DIP2C: variants seen among roughly 807,000 people sequenced by gnomAD.
The protein encoded by DIP2C is DIP2 acetate--CoA ligase C (putative), also known as disco-interacting protein 2 homolog C.
Under a neutral mutation model 192.4 loss-of-function variants are expected in DIP2C, and 33 were observed. The ratio of observed to expected loss-of-function variants is 0.17; its 90% CI spans 0.13 to 0.23. The LOEUF is 0.23. Ranked by LOEUF, DIP2C falls within the 10% of genes least tolerant of loss-of-function variation. The pLI is 1.00. For missense variants in DIP2C, 1,537 were observed against 2,110.1 expected (o/e 0.73, Z 5.32); for synonymous variants, 979 against 864.1 (o/e 1.13, Z -2.33).
intron 2 of DIP2C, among the ~76,000 whole-genome samples, chr10:485,441 C>G (rs1843944936): frequency 6.6e-6 from 1 of 152,238 alleles, no homozygotes; most frequent in South Asian, 2.1e-4. Flanking sequence ...GCGTCTATCC[C>G]TGACTTAAGC....
chr10:441,629 T>C (rs1967742559), intron 3 of DIP2C, among the ~76,000 whole-genome samples: 1 of 152,216 alleles, frequency 6.6e-6, no homozygotes, highest in Non-Finnish European at 1.5e-5. Context: ...TCTACCTCGT[T>C]TTCTCTTGCT....
At chr10:607,455 C>T (rs576903966) in intron 1 of DIP2C, among the ~76,000 whole-genome samples, 14 of 152,310 alleles carry the variant, frequency 9.2e-5, no homozygotes, top group Non-Finnish European at 2.1e-4. Flanking sequence ...TTGTATCCCT[C>T]TATAACATCA....
intron 29 of DIP2C, among the ~76,000 whole-genome samples, chr10:334,310 A>AAAAAAAAAAAAG (rs1957644957): frequency 6.6e-6 from 1 of 150,950 alleles, no homozygotes; most frequent in African/African-American, 2.4e-5. Flanking sequence ...GTCTCAAAAA[A>AAAAAAAAAAAAG]AAAAAAAAAA....
chr10:392,060 C>T (rs1288787774), intron 10 of DIP2C, among the ~76,000 whole-genome samples: 1 of 152,208 alleles, frequency 6.6e-6, no homozygotes, highest in Non-Finnish European at 1.5e-5. Flanking sequence ...GCTCTGCGGA[C>T]AGATGGAACC....
intron 32 of DIP2C, among the ~76,000 whole-genome samples, chr10:289,273 T>G (rs1430226696): frequency 3.6e-3 from 3 of 842 alleles, no homozygotes; most frequent in African/African-American, 5.0e-3. Flanking sequence ...CCAGTGATGT[T>G]TTTTTTTTTT....
chr10:601,002 G>A (rs577539172), intron 1 of DIP2C, among the ~76,000 whole-genome samples: 1 of 152,292 alleles, frequency 6.6e-6, no homozygotes, highest in African/African-American at 2.4e-5. Flanking sequence ...AAGACTCATG[G>A]CACGTTACAT....
intron 1 of DIP2C, among the ~76,000 whole-genome samples, chr10:515,609 G>A (rs1374014496): frequency 3.9e-5 from 6 of 152,048 alleles, no homozygotes; most frequent in African/African-American, 7.2e-5. Context: ...TAATAATCCC[G>A]CTACTCAAGA....
chr10:484,814 C>T (rs550686571), intron 2 of DIP2C: 21 of 1,611,260 alleles, frequency 1.3e-5, no homozygotes, highest in Middle Eastern at 1.7e-4. Context: ...CGGTTCCCTG[C>T]GGTGCTGGCC....
intron 32 of DIP2C, among the ~76,000 whole-genome samples, chr10:303,079 G>A (rs1020457974): frequency 9.2e-5 from 14 of 152,196 alleles, no homozygotes; most frequent in Non-Finnish European, 1.5e-4. Flanking sequence ...CACCGTACTT[G>A]TAAGCTAAGA....
At chr10:496,625 ACAT>A (rs1844856486) in intron 1 of DIP2C, among the ~76,000 whole-genome samples, 2 of 150,320 alleles carry the variant, frequency 1.3e-5, no homozygotes, top group Admixed American at 1.3e-4. Context: ...ACCCCAAACA[ACAT>A]GAGTGCTGAG....
chr10:392,860 TAC>T (rs760828207), intron 10 of DIP2C, among the ~76,000 whole-genome samples: 12 of 149,316 alleles, frequency 8.0e-5, no homozygotes, highest in African/African-American at 1.2e-4. Flanking sequence ...CCCCACACAA[TAC>T]ACAGACACTC....
chr10:364,628 G>A (rs2132736908), intron 19 of DIP2C, 46 bp from the exon 20 acceptor site: 1 of 1,592,344 alleles, frequency 6.3e-7, no homozygotes, highest in Non-Finnish European at 8.6e-7. Flanking sequence ...GTGGTCAGCT[G>A]GTTTTAATCC....
intron 1 of DIP2C, among the ~76,000 whole-genome samples, chr10:655,010 A>T (rs1856192056): frequency 6.6e-6 from 1 of 152,198 alleles, no homozygotes; most frequent in South Asian, 2.1e-4. Context: ...AGGGTCCCAG[A>T]CAGCCTCCAG....
At chr10:619,847 C>T (rs560446632) in intron 1 of DIP2C, among the ~76,000 whole-genome samples, 62 of 152,308 alleles carry the variant, frequency 4.1e-4, no homozygotes, top group African/African-American at 9.1e-4. Context: ...GGGAGGCACC[C>T]GCCCGTGGAT....
intron 3 of DIP2C, among the ~76,000 whole-genome samples, chr10:446,262 T>G (rs1246668783): frequency 6.6e-6 from 1 of 151,958 alleles, no homozygotes; most frequent in African/African-American, 2.4e-5. Context: ...ACACCTGTCA[T>G]GAAGAGTCTC....
intron 1 of DIP2C, among the ~76,000 whole-genome samples, chr10:683,869 GCT>G (rs1412890930): frequency 2.0e-5 from 3 of 152,236 alleles, no homozygotes; most frequent in Non-Finnish European, 4.4e-5. Context: ...TTTGAAAGCA[GCT>G]GGGAGGAGGA....
In DIP2C at chr10:689,474, CG is replaced by C. The variant is rs1489876484; in HGVS notation, c.85+19del. ...TCCCCGGTGACAGCGCGGCCCGGCC[CG>C]GGGCGGGGGCCCGGTTACCTTCCGA... On this transcript the variant is annotated intron_variant, in intron 1 of 36. Transcript: ENST00000280886. This position sits in a 1 kb window ranked among gnomAD's most constrained non-coding sequence, Gnocchi z 6.1. The C allele has an allele frequency of 5.9e-6, 7 of 1,176,908 alleles. No homozygotes were observed. Among genetic ancestry groups the C allele is most frequent in the South Asian group, 2.0e-5 (1 of 49,384 alleles). 72.9% of individuals were successfully genotyped at this position (1,176,908 alleles called of 1,614,324 possible). A position where few individuals can be genotyped will look rare whatever the true frequency, so the allele number is the denominator to read the frequency against.
intron 1 of DIP2C, among the ~76,000 whole-genome samples, chr10:557,602 A>C (rs1325880816): frequency 7.1e-6 from 1 of 140,568 alleles, no homozygotes; most frequent in East Asian, 2.1e-4. Flanking sequence ...ACCAAGTGAA[A>C]AACAACAATC....
chr10:618,645 T>G (rs1853632066), intron 1 of DIP2C, among the ~76,000 whole-genome samples: 1 of 152,366 alleles, frequency 6.6e-6, no homozygotes, highest in African/African-American at 2.4e-5. Flanking sequence ...TGTTTGCTTT[T>G]ATGCAACAAA....
Sources: allele counts gnomAD v4.1 joint callset (sites outside exome capture counted in the v4.1 genomes callset), GRCh38; gene constraint gnomAD v4.1.1; non-coding constraint Gnocchi (gnomAD v3.1); transcripts MANE v1.5; gene names NCBI Gene and HGNC (gene_info 2026-07-23, HGNC 2026-07-21).